The following MPHOSPH9 variants were observed in gnomAD, a reference collection of about 807,000 sequenced individuals.
MPHOSPH9 encodes the protein M-phase phosphoprotein 9.
In MPHOSPH9, 88 loss-of-function variants were observed where a neutral mutation model predicts 145.5. The observed-to-expected ratio is 0.60, with a 90% confidence interval of 0.51 to 0.72. MPHOSPH9 has a LOEUF of 0.72. Among genes scored for constraint, MPHOSPH9 ranks in the 30% least tolerant of loss-of-function variants. MPHOSPH9 has a pLI of 0.00. For missense variants in MPHOSPH9, 1,238 were observed against 1,386.6 expected, an observed-to-expected ratio of 0.89 and a Z score of 1.70; for synonymous variants, 435 against 486.2, an observed-to-expected ratio of 0.89 and a Z score of 1.39.
intron 12 of MPHOSPH9, 112 bp from the exon 13 acceptor site, chr12:123,194,713 C>T (rs2045868131): frequency 5.6e-6 from 4 of 713,930 alleles, no homozygotes. Context: ...CCTCTGCCTC[C>T]CAGGTTCAAG....
At chr12:123,164,465 G>T (rs1350247728) in intron 18 of MPHOSPH9, among the ~76,000 whole-genome samples, 3 of 152,108 alleles carry the variant, frequency 2.0e-5, no homozygotes, top group African/African-American at 7.2e-5. Context: ...ATGACTAAGG[G>T]GTCTGAGAAA....
At chr12:123,240,323 G>A (rs2047912476) in intron 1 of MPHOSPH9, among the ~76,000 whole-genome samples, 2 of 151,988 alleles carry the variant, frequency 1.3e-5, no homozygotes, top group African/African-American at 4.8e-5. Flanking sequence ...GCAGTGAGCA[G>A]TCAGGGTGAC....
chr12:123,212,133 G>A (rs538813759), intron 7 of MPHOSPH9, among the ~76,000 whole-genome samples: 4 of 152,100 alleles, frequency 2.6e-5, no homozygotes, highest in Non-Finnish European at 5.9e-5. Flanking sequence ...GTATATAGGT[G>A]GTAAGCACTC....
At position 123,221,722 on chromosome 12, in the gene MPHOSPH9, T is replaced by A. The variant is rs772074082; in HGVS notation, c.522A>T (p.Glu174Asp). The stretch of plus-strand genomic sequence containing the variant: ...TGGACATTTCTTGCTGTATTTCAGG[T>A]TCTGTGGATTCAGGATAATGGATAA... ...ESVIHYPEST[E>D]PEIQQEMSTS... The change falls in exon 5 of 24, where the codon GAA becomes GAT. Residue 174 changes from glutamate to aspartate, a missense_variant. Physicochemically the swap from Glu to Asp is conservative, Grantham distance 45 (BLOSUM62 2). Coordinates refer to ENST00000606320, the MANE Select transcript of MPHOSPH9 (RefSeq NM_022782.4). 6.2e-7 allele frequency: 1 copy of A among 1,614,140 alleles called. No individual in the cohort carries two copies.
chr12:123,175,282 C>T (rs2044792944), intron 16 of MPHOSPH9, among the ~76,000 whole-genome samples: 1 of 152,172 alleles, frequency 6.6e-6, no homozygotes. Flanking sequence ...TCCGGAGTAG[C>T]TGGGACTACA....
chr12:123,178,173 C>T (rs1408255527), intron 15 of MPHOSPH9, among the ~76,000 whole-genome samples: 1 of 152,204 alleles, frequency 6.6e-6, no homozygotes, highest in African/African-American at 2.4e-5. Context: ...TCCCAAGCAG[C>T]TGGGAGTACT....
rs1354559579 is a variant in MPHOSPH9 at position 123,230,299 on chromosome 12, A to G, written c.66T>C (p.Asn22=). ...KTSSSVGSDE[N]SLHSLGLNLN... Reference sequence around the variant, plus strand: ...AGTTCAGTCCAAGAGAATGAAGAGAATTTTCATCAGATCCTACAGAAGATG... The same window carrying G: ...AGTTCAGTCCAAGAGAATGAAGAGAGTTTTCATCAGATCCTACAGAAGATG... Residue 22 remains asparagine, a synonymous_variant, in exon 2 of 24, where the codon AAT becomes AAC. Transcript: ENST00000606320. The G allele has an allele frequency of 3.9e-6, 6 of 1,533,900 alleles. No homozygotes were observed. Among genetic ancestry groups the G allele is most frequent in the Non-Finnish European group, 5.2e-6 (6 of 1,145,268 alleles).
intron 2 of MPHOSPH9, among the ~76,000 whole-genome samples, chr12:123,228,247 A>T (rs970422094): frequency 3.3e-5 from 5 of 152,250 alleles, no homozygotes; most frequent in Admixed American, 2.0e-4. Flanking sequence ...ATTTCAGGAC[A>T]TTAAAATGTA....
At chr12:123,194,331 A>T in intron 13 of MPHOSPH9, 55 bp downstream of exon 13, 2 of 1,019,958 alleles carry the variant, frequency 2.0e-6, no homozygotes, top group Non-Finnish European at 2.9e-6. Context: ...AGAGTATAAT[A>T]CCTAAATTAC....
intron 6 of MPHOSPH9, among the ~76,000 whole-genome samples, chr12:123,216,596 A>T (rs1483361220): frequency 6.6e-6 from 1 of 152,190 alleles, no homozygotes; most frequent in Non-Finnish European, 1.5e-5. Context: ...CATGCTTGTA[A>T]TCTCAGCATT....
intron 3 of MPHOSPH9, among the ~76,000 whole-genome samples, chr12:123,225,247 TAACCTGGGCAACATA>T (rs527470137): frequency 0.046 from 7,024 of 151,562 alleles, 308 homozygotes; most frequent in East Asian, 0.26. Flanking sequence ...AGTTCAAGAC[TAACCTGGGCAACATA>T]GCAAAACCTT....
intron 4 of MPHOSPH9, 38 bp downstream of exon 4, chr12:123,223,000 G>T: frequency 9.3e-7 from 1 of 1,077,480 alleles, no homozygotes; most frequent in Non-Finnish European, 1.3e-6. Flanking sequence ...GTATGTATAT[G>T]TATATAAAAA....
chr12:123,153,812 TAACTC>T (rs1306863199), downstream of MPHOSPH9, among the ~76,000 whole-genome samples: 1 of 151,046 alleles, frequency 6.6e-6, no homozygotes, highest in Non-Finnish European at 1.5e-5. Flanking sequence ...AAAACCTACT[TAACTC>T]AATGAATCTG....
intron 16 of MPHOSPH9, among the ~76,000 whole-genome samples, chr12:123,167,322 C>G (rs1186529823): frequency 6.6e-6 from 1 of 152,146 alleles, no homozygotes; most frequent in Non-Finnish European, 1.5e-5. Context: ...AATGGAGTCA[C>G]TAATGTCAAA....
chr12:123,212,954 G>C (rs2046803714), intron 7 of MPHOSPH9, among the ~76,000 whole-genome samples: 1 of 150,286 alleles, frequency 6.7e-6, no homozygotes, highest in South Asian at 2.1e-4. Context: ...CTGCCTCCTG[G>C]GTTCACGCCA....
chr12:123,162,872 T>C, intron 20 of MPHOSPH9, 142 bp downstream of exon 20: 1 of 763,440 alleles, frequency 1.3e-6, no homozygotes, highest in Non-Finnish European at 1.9e-6. Flanking sequence ...AGTTGTAGTA[T>C]GACATTCACT....
At chr12:123,174,594 G>A (rs1056747408) in intron 16 of MPHOSPH9, among the ~76,000 whole-genome samples, 7 of 151,854 alleles carry the variant, frequency 4.6e-5, no homozygotes, top group African/African-American at 1.7e-4. Context: ...GGATGGTCTC[G>A]ATCTCCTGAC....
chr12:123,210,188 GAA>G, intron 7 of MPHOSPH9, 26 bp from the exon 8 acceptor site: 3 of 1,370,826 alleles, frequency 2.2e-6, no homozygotes, highest in Non-Finnish European at 3.0e-6. Context: ...ACACAGAATA[GAA>G]AAGAGTGAGA....
At chr12:123,190,309 C>T (rs1398826688) in intron 13 of MPHOSPH9, among the ~76,000 whole-genome samples, 2 of 151,994 alleles carry the variant, frequency 1.3e-5, no homozygotes, top group African/African-American at 4.8e-5. Context: ...CCCACCACCA[C>T]GCCCAACTAA....
Sources: gnomAD v4.1 joint callset for allele counts (sites outside exome capture counted in the v4.1 genomes callset) on GRCh38, gnomAD v4.1.1 for gene constraint, MANE v1.5 for transcripts, NCBI Gene and HGNC (gene_info 2026-07-23, HGNC 2026-07-21) for gene names.